SGCD: variants seen among roughly 807,000 people sequenced by gnomAD.
SGCD encodes the protein delta-sarcoglycan.
Under a neutral mutation model 36.6 loss-of-function variants are expected in SGCD, and 18 were observed. The ratio of observed to expected loss-of-function variants is 0.49; its 90% CI spans 0.34 to 0.73. The LOEUF (loss-of-function observed/expected upper bound fraction) is 0.73, where lower values mean the gene tolerates loss of function less well. Among genes scored for constraint, SGCD ranks in the 30% least tolerant of loss-of-function variants. The probability of loss-of-function intolerance (pLI) is 0.01; values close to 1 mark genes in which losing one functional copy is unlikely to be tolerated. For synonymous variants in SGCD, 133 were observed against 130.6 expected (o/e 1.02, Z -0.12); for missense variants, 387 against 346.7 (o/e 1.12, Z -0.92).
At chr5:156,015,795 C>G (rs1383613902) in intron 1 of SGCD, among the ~76,000 whole-genome samples, 2 of 147,542 alleles carry the variant, frequency 1.4e-5, no homozygotes, top group Non-Finnish European at 3.0e-5. Context: ...AATGAACACA[C>G]AAACACACAC....
At chr5:156,470,177 G>A (rs1349299831) in intron 3 of SGCD, among the ~76,000 whole-genome samples, 1 of 152,136 alleles carries the variant, frequency 6.6e-6, no homozygotes, top group Non-Finnish European at 1.5e-5. Context: ...TTGAGAACAT[G>A]AGAGGAAAGA....
chr5:156,665,229 A>G (rs1415322820), intron 7 of SGCD, among the ~76,000 whole-genome samples: 8 of 152,112 alleles, frequency 5.3e-5, no homozygotes, highest in Non-Finnish European at 1.0e-4. Context: ...CTGGAAGAGG[A>G]CTTGTGCCTC....
intron 4 of SGCD, among the ~76,000 whole-genome samples, chr5:156,555,027 ATCT>A (rs1297946757): frequency 6.6e-6 from 1 of 152,048 alleles, no homozygotes; most frequent in African/African-American, 2.4e-5. Context: ...CCATTTGTAT[ATCT>A]TCTTTGAAGA....
At position 156,268,014 on chromosome 5, in the gene SGCD, T is replaced by C. The variant is rs528477524; in HGVS notation, c.-43-61520T>C. Among the ~76,000 whole-genome samples the C allele has an allele frequency of 2.1e-4, 32 of 152,344 alleles. No homozygotes were observed. The Middle Eastern group carries it at 0.014, about 65-fold the overall frequency. ...CCCTCCACCCTCACGTAGACCCCAGTGTCTGCTGTTCCCTTCTTTGTATTC... is the reference window on the plus strand; with the variant it reads ...CCCTCCACCCTCACGTAGACCCCAGCGTCTGCTGTTCCCTTCTTTGTATTC... On this transcript the variant is annotated intron_variant, in intron 3 of 9. Transcript: ENST00000517913.
intron 4 of SGCD, among the ~76,000 whole-genome samples, chr5:156,532,227 C>CTGCAGGGTTTTGCTGTTCTAATATTGAAT: frequency 6.6e-6 from 1 of 152,156 alleles, no homozygotes; most frequent in Non-Finnish European, 1.5e-5. Context: ...TCCTAAGTGT[C>CTGCAGGGTTTTGCTGTTCTAATATTGAAT]TGCAGGGTTT....
the SGCD span, among the ~76,000 whole-genome samples, chr5:155,766,880 G>C: frequency 1.3e-5 from 2 of 152,134 alleles, no homozygotes; most frequent in African/African-American, 4.8e-5. Context: ...CCTGACTCCA[G>C]AGTCGATGCT....
chr5:155,734,572 C>T, the SGCD span, among the ~76,000 whole-genome samples: 1 of 152,042 alleles, frequency 6.6e-6, no homozygotes, highest in South Asian at 2.1e-4. Flanking sequence ...CTCCCCATAC[C>T]CTTACTATTG....
intron 1 of SGCD, among the ~76,000 whole-genome samples, chr5:155,904,660 G>C (rs1277158556): frequency 6.6e-6 from 1 of 152,150 alleles, no homozygotes; most frequent in Non-Finnish European, 1.5e-5. Flanking sequence ...GGGAGAGATA[G>C]ACAGACAGAT....
intron 3 of SGCD, among the ~76,000 whole-genome samples, chr5:156,363,081 T>C (rs1466851951): frequency 6.6e-6 from 1 of 152,132 alleles, no homozygotes; most frequent in Non-Finnish European, 1.5e-5. Context: ...TAAATGCTTA[T>C]ATGGTTTAGT....
At chr5:156,656,575 A>C in intron 7 of SGCD, among the ~76,000 whole-genome samples, 1 of 152,186 alleles carries the variant, frequency 6.6e-6, no homozygotes, top group Non-Finnish European at 1.5e-5. Flanking sequence ...GGGTATTTAC[A>C]AAAATTGATT....
intron 1 of SGCD, among the ~76,000 whole-genome samples, chr5:156,012,848 G>A: frequency 6.6e-6 from 1 of 151,368 alleles, no homozygotes. Context: ...TCCTGACCTC[G>A]TGATCTGCCT....
At chr5:156,278,124 G>A (rs903353277) in intron 3 of SGCD, among the ~76,000 whole-genome samples, 1 of 152,130 alleles carries the variant, frequency 6.6e-6, no homozygotes, top group Non-Finnish European at 1.5e-5. Flanking sequence ...GAACATTTTG[G>A]CAGAGGAAGA....
intron 4 of SGCD, among the ~76,000 whole-genome samples, chr5:156,580,534 A>C (rs1251367296): frequency 6.6e-6 from 1 of 152,170 alleles, no homozygotes. Context: ...TTTCAGGTAC[A>C]CCAATGAAAC....
At chr5:156,095,045 A>T (rs1761342063) in intron 1 of SGCD, among the ~76,000 whole-genome samples, 1 of 151,982 alleles carries the variant, frequency 6.6e-6, no homozygotes, top group Admixed American at 6.6e-5. Context: ...TGGTTTCTGC[A>T]CTTGTACTGT....
chr5:155,901,259 C>T (rs1561643809), intron 1 of SGCD, among the ~76,000 whole-genome samples: 1 of 151,368 alleles, frequency 6.6e-6, no homozygotes, highest in Non-Finnish European at 1.5e-5. Flanking sequence ...TTGCAGTGAG[C>T]CGAGATAGTA....
chr5:155,983,130 T>C (rs1277641882), intron 1 of SGCD, among the ~76,000 whole-genome samples: 1 of 152,212 alleles, frequency 6.6e-6, no homozygotes, highest in African/African-American at 2.4e-5. Flanking sequence ...GGAATATAGA[T>C]CAATAATAGC....
At chr5:156,143,155 G>A (rs1359152845) in intron 3 of SGCD, among the ~76,000 whole-genome samples, 1 of 152,204 alleles carries the variant, frequency 6.6e-6, no homozygotes, top group African/African-American at 2.4e-5. Flanking sequence ...CTCTAGCCAG[G>A]TACAACTCAG....
intron 6 of SGCD, among the ~76,000 whole-genome samples, chr5:156,620,048 T>C (rs1762182861): frequency 6.6e-6 from 1 of 152,192 alleles, no homozygotes; most frequent in Non-Finnish European, 1.5e-5. Flanking sequence ...TTCTCCCCTT[T>C]AGAACAGTAG....
At chr5:155,790,004 A>G in the SGCD span, among the ~76,000 whole-genome samples, 75 of 152,206 alleles carry the variant, frequency 4.9e-4, no homozygotes, top group Non-Finnish European at 9.4e-4. Context: ...ACTTTGCATG[A>G]ATTCAGAGAG....
Sources: allele counts gnomAD v4.1 joint callset (sites outside exome capture counted in the v4.1 genomes callset), GRCh38; gene constraint gnomAD v4.1.1; transcripts MANE v1.5; gene names NCBI Gene and HGNC (gene_info 2026-07-23, HGNC 2026-07-21).